The following RNF130 variants were observed in gnomAD, a reference collection of about 807,000 sequenced individuals.
The protein encoded by RNF130 is E3 ubiquitin-protein ligase RNF130.
A neutral mutation model predicts 44.6 loss-of-function variants in RNF130; 21 were observed. The ratio of observed to expected loss-of-function variants is 0.47; its 90% CI spans 0.33 to 0.68. RNF130 has a LOEUF of 0.68. RNF130 is among the 30% of genes least tolerant of loss of function. RNF130 has a pLI of 0.02. For synonymous variants in RNF130, 214 were observed against 210.4 expected (o/e 1.02, Z -0.15); for missense variants, 479 against 560.6 (o/e 0.85, Z 1.47).
chr5:180,064,566 T>C (rs552305770), intron 1 of RNF130, among the ~76,000 whole-genome samples: 30 of 152,360 alleles, frequency 2.0e-4, no homozygotes, highest in Non-Finnish European at 3.2e-4. Flanking sequence ...CTAATTAGGA[T>C]TGTGTGTTCA....
chr5:179,985,759 T>C (rs769128406), intron 3 of RNF130, among the ~76,000 whole-genome samples: 1 of 152,190 alleles, frequency 6.6e-6, no homozygotes, highest in Non-Finnish European at 1.5e-5. Context: ...CTGACTGCAT[T>C]TGCACAAAAC....
chr5:180,006,859 T>C (rs1225672508), intron 3 of RNF130, among the ~76,000 whole-genome samples: 2 of 152,160 alleles, frequency 1.3e-5, no homozygotes, highest in Non-Finnish European at 2.9e-5. Flanking sequence ...GACAGCGACA[T>C]TTAAGTTTAC....
intron 7 of RNF130, among the ~76,000 whole-genome samples, chr5:179,923,146 G>A (rs1279394459): frequency 2.6e-5 from 4 of 152,004 alleles, no homozygotes; most frequent in African/African-American, 9.7e-5. Context: ...TCTCGTACAT[G>A]TTCATCTAGA....
chr5:179,927,701 G>T (rs1402309377), intron 7 of RNF130, among the ~76,000 whole-genome samples: 2 of 148,462 alleles, frequency 1.3e-5, no homozygotes. Context: ...CAATTCTCCT[G>T]CCTCAGTCTC....
intron 5 of RNF130, among the ~76,000 whole-genome samples, chr5:179,976,424 A>C (rs1201617643): frequency 6.6e-6 from 1 of 152,162 alleles, no homozygotes. Flanking sequence ...TGGTCATTCC[A>C]GTGTTGAAGC....
chr5:179,973,556 G>A (rs1762637382), intron 5 of RNF130, among the ~76,000 whole-genome samples: 1 of 152,194 alleles, frequency 6.6e-6, no homozygotes. Flanking sequence ...CACAGCATGT[G>A]GGCCAAGGCT....
intron 1 of RNF130, among the ~76,000 whole-genome samples, chr5:180,065,264 G>C (rs1185978381): frequency 6.6e-6 from 1 of 152,022 alleles, no homozygotes; most frequent in Non-Finnish European, 1.5e-5. Context: ...TAATTTTTAA[G>C]AGAAATGTCA....
chr5:180,013,271 C>T lies in RNF130; in HGVS notation c.483G>A (p.Arg161=), dbSNP rs1763634446. The part of the protein sequence containing the change: ...DIIAVMITEL[R]GKDILSYLEK... Reference sequence around the variant, plus strand: ...CCAGATAACTCAAAATATCCTTACCCCTCAATTCTGTTATCATGACAGCAA... The same window carrying T: ...CCAGATAACTCAAAATATCCTTACCTCTCAATTCTGTTATCATGACAGCAA... Residue 161 remains arginine (R), a synonymous_variant, in exon 3 of 9, where the codon AGG becomes AGA. Coordinates refer to ENST00000521389, the MANE Select transcript of RNF130 (RefSeq NM_018434.6). 6.2e-7 allele frequency: 1 copy of T among 1,613,546 alleles called. No individual in the cohort carries two copies. Among genetic ancestry groups the T allele is most frequent in the South Asian group, 1.1e-5 (1 of 91,046 alleles).
In RNF130 at chr5:179,977,947, CTG is replaced by C. The variant is rs1263087825; in HGVS notation, c.848+254_848+255del. ...AATTCTCGACCTCAACACTCCTAGG[CTG>C]TGTCTGGGGAGTCTGGAGGCCGCGT... On this transcript the variant is annotated intron_variant, in intron 5 of 8. Transcript: ENST00000521389. The surrounding 1 kb of genome is among the most constrained non-coding windows in gnomAD (Gnocchi z 4.1). 6.6e-6 allele frequency among the ~76,000 whole-genome samples: 1 copy of C among 152,214 alleles called. No homozygotes were observed. The highest frequency in any genetic ancestry group is 1.5e-5 in the Non-Finnish European group (1 of 68,008).
At chr5:180,032,521 C>G (rs1004479062) in intron 2 of RNF130, among the ~76,000 whole-genome samples, 1 of 152,130 alleles carries the variant, frequency 6.6e-6, no homozygotes, top group South Asian at 2.1e-4. Flanking sequence ...ACAGCATGAG[C>G]CACGAGGCCC....
At chr5:179,967,433 C>T (rs1409284328) in intron 6 of RNF130, among the ~76,000 whole-genome samples, 1 of 152,228 alleles carries the variant, frequency 6.6e-6, no homozygotes, top group Non-Finnish European at 1.5e-5. Context: ...CTAAAAGCCC[C>T]ATTTATCTGG....
intron 4 of RNF130, 54 bp from the exon 5 acceptor site, chr5:179,978,339 T>C (rs1762763109): frequency 8.5e-7 from 1 of 1,178,314 alleles, no homozygotes; most frequent in Non-Finnish European, 1.3e-6. Flanking sequence ...ATATAAATGG[T>C]TGGGATGCAA....
rs943909696 is a variant in RNF130 at position 180,071,545 on chromosome 5, G to C, written c.158C>G (p.Thr53Arg). 9 of 1,412,434 alleles carry C rather than the reference G, an allele frequency of 6.4e-6. No individual in the cohort carries two copies. The African/African-American group carries it at 1.3e-4, about 21-fold the overall frequency. 87.5% of individuals were successfully genotyped at this position (1,412,434 alleles called of 1,614,324 possible). ...GTAGCGCCCGCGGTCGATGCGAAACGTGAGCGGGGCGCCGCGGCCGGGCTC... is the reference window on the plus strand; with the variant it reads ...GTAGCGCCCGCGGTCGATGCGAAACCTGAGCGGGGCGCCGCGGCCGGGCTC... Reference protein sequence around the residue: ...VQEPGRGAPLTFRIDRGRYGL... With the variant: ...VQEPGRGAPLRFRIDRGRYGL... The change falls in exon 1 of 9, where the codon ACG (threonine) becomes AGG (arginine). Residue 53 changes from threonine (T) to arginine (R), a missense_variant. Transcript: ENST00000521389.
At chr5:179,960,595 A>G (rs1291537165) in intron 8 of RNF130, among the ~76,000 whole-genome samples, 1 of 152,212 alleles carries the variant, frequency 6.6e-6, no homozygotes, top group Non-Finnish European at 1.5e-5. Context: ...CACTGCCCTG[A>G]CATCTTGCCC....
At chr5:179,967,095 C>A (rs1762468894) in intron 6 of RNF130, 85 bp from the exon 7 acceptor site, 2 of 1,296,438 alleles carry the variant, frequency 1.5e-6, no homozygotes, top group Non-Finnish European at 1.1e-6. Flanking sequence ...AACTTTGACG[C>A]CCTGTTGCAA....
chr5:180,012,953 TAAC>T, intron 3 of RNF130, 105 bp downstream of exon 3: 3 of 1,288,648 alleles, frequency 2.3e-6, no homozygotes, highest in East Asian at 2.3e-5. Flanking sequence ...TGAGTGAGGG[TAAC>T]AACATTTTTT....
At chr5:179,939,920 CTCTG>C (rs1761948582) in intron 7 of RNF130, 1 of 284,026 alleles carries the variant, frequency 3.5e-6, no homozygotes, top group Non-Finnish European at 6.9e-6. Flanking sequence ...CACCTCCTTC[CTCTG>C]TCTAATCCTT....
chr5:180,048,771 T>C lies in RNF130; in HGVS notation c.248-8124A>G, dbSNP rs551943671. Among the ~76,000 whole-genome samples, 4 of 152,338 alleles carry C rather than the reference T, an allele frequency of 2.6e-5. No homozygotes were observed. The South Asian group carries it at 8.3e-4, about 32-fold the overall frequency. ...CCCTTTGCCATCTGTAGCTTCAGCT[T>C]CATCCTAAGAGTCCCCTCTTTATCA... On this transcript the variant is annotated intron_variant, in intron 1 of 8. Transcript: ENST00000521389.
chr5:179,920,527 T>G (rs977969767), intron 7 of RNF130: 2 of 637,606 alleles, frequency 3.1e-6, no homozygotes, highest in African/African-American at 3.6e-5. Context: ...AGCATGACAT[T>G]TTCTTAACTA....
Sources: allele counts gnomAD v4.1 joint callset (sites outside exome capture counted in the v4.1 genomes callset), GRCh38; gene constraint gnomAD v4.1.1; non-coding constraint Gnocchi (gnomAD v3.1); transcripts MANE v1.5; gene names NCBI Gene and HGNC (gene_info 2026-07-23, HGNC 2026-07-21).